The following NCOR2 variants were observed in gnomAD, a reference collection of about 807,000 sequenced individuals.
The protein encoded by NCOR2 is nuclear receptor corepressor 2.
In NCOR2, 81 loss-of-function variants were observed where a neutral mutation model predicts 262.9. The observed-to-expected ratio is 0.31, with a 90% CI of 0.26 to 0.37. The LOEUF is 0.37. Ranked by LOEUF, NCOR2 falls within the 10% of genes least tolerant of loss-of-function variation. The probability of loss-of-function intolerance (pLI) is 1.00; values close to 1 mark genes in which losing one functional copy is unlikely to be tolerated. For synonymous variants in NCOR2, 1,659 were observed against 1,559.3 expected, an observed-to-expected ratio of 1.06 and a Z score of -1.51; for missense variants, 3,385 against 3,621.4, an observed-to-expected ratio of 0.93 and a Z score of 1.68.
intron 7 of NCOR2, 34 bp from the exon 10 acceptor site, chr12:124,438,030 C>A: frequency 6.3e-7 from 1 of 1,587,094 alleles, no homozygotes; most frequent in Non-Finnish European, 8.6e-7. Context: ...CAGGTCAGCC[C>A]GGCCGGGCTC....
At chr12:124,354,443 C>T in intron 26 of NCOR2, 35 bp downstream of exon 28, 2 of 1,455,184 alleles carry the variant, frequency 1.4e-6, no homozygotes, top group Non-Finnish European at 1.8e-6. Flanking sequence ...GGAACAGGGG[C>T]AGATGCTGGG....
At chr12:124,342,271 A>G (rs565227300) in intron 33 of NCOR2, among the ~76,000 whole-genome samples, 197 bp from the exon 36 acceptor site, 49 of 152,354 alleles carry the variant, frequency 3.2e-4, no homozygotes, top group Admixed American at 2.0e-4. Context: ...GGTGACTTCT[A>G]CGAAGGATGC....
In NCOR2 at chr12:124,340,518, G is replaced by A. The variant is rs1039098466; in HGVS notation, c.5339-75C>T. On this transcript the variant is annotated intron_variant, in intron 35 of 46. Transcript: ENST00000405201. ...TGGCTTTGTCTTCTGGGGTGGGAAAGAGAGCAGGGCTTCTGCCCGCCCATC... is the reference window on the plus strand; with the variant it reads ...TGGCTTTGTCTTCTGGGGTGGGAAAAAGAGCAGGGCTTCTGCCCGCCCATC... 2.4e-4 allele frequency: 378 copies of A among 1,569,632 alleles called. 2 individuals carry two copies. The highest frequency in any genetic ancestry group is 2.4e-3 in the East Asian group (106 of 44,236).
At chr12:124,469,966 G>A (rs564033095) in intron 4 of NCOR2, among the ~76,000 whole-genome samples, 117 of 152,288 alleles carry the variant, frequency 7.7e-4, no homozygotes, top group African/African-American at 2.7e-3. Context: ...AGCAGTTTGA[G>A]ACCAGCTTGG....
intron 23 of NCOR2, among the ~76,000 whole-genome samples, chr12:124,356,199 C>T (rs1404960949): frequency 6.6e-6 from 1 of 152,252 alleles, no homozygotes; most frequent in Non-Finnish European, 1.5e-5. Context: ...CCTTTACCAA[C>T]AGCAGTCTGT....
intron 3 of NCOR2, among the ~76,000 whole-genome samples, chr12:124,475,170 T>C (rs1431164869): frequency 5.3e-5 from 8 of 151,992 alleles, no homozygotes; most frequent in African/African-American, 1.9e-4. Flanking sequence ...AACCCGGTGC[T>C]CCCTCCACAC....
At chr12:124,426,231 G>C (rs1239609057) in intron 11 of NCOR2, among the ~76,000 whole-genome samples, 1 of 152,174 alleles carries the variant, frequency 6.6e-6, no homozygotes, top group African/African-American at 2.4e-5. Flanking sequence ...GTAATTAGTT[G>C]AAGTGAGGTT....
chr12:124,543,786 G>C (rs1340220982), intron 1 of NCOR2, among the ~76,000 whole-genome samples: 1 of 152,212 alleles, frequency 6.6e-6, no homozygotes, highest in Non-Finnish European at 1.5e-5. Flanking sequence ...CCCAGGCCGG[G>C]AGGCCGCGGA....
At chr12:124,520,724 C>A (rs535792531) in intron 1 of NCOR2, among the ~76,000 whole-genome samples, 2 of 152,286 alleles carry the variant, frequency 1.3e-5, no homozygotes, top group South Asian at 4.1e-4. Context: ...TCAGAATAAG[C>A]CAGTGTCTGG....
rs144741545 is a variant in NCOR2 at position 124,483,872 on chromosome 12, G to A, written c.234-99C>T. On this transcript the variant is annotated intron_variant, in intron 2 of 46. Coordinates refer to ENST00000405201, the Ensembl canonical transcript of NCOR2. This position sits in a 1 kb window ranked among gnomAD's most constrained non-coding sequence, Gnocchi z 6.3. The stretch of plus-strand genomic sequence containing the variant: ...CTGCGCCGAGCATCTACTGCGCGCC[G>A]TGCTCTGTATGATCCTGCCAGGAAG... 29 of 1,350,680 alleles carry A rather than the reference G, an allele frequency of 2.1e-5. No individual in the cohort carries two copies. The Admixed American group carries it at 3.4e-4, about 16-fold the overall frequency. The allele number at this position is 1,350,680 out of a possible 1,614,324, so 83.7% of individuals were successfully genotyped here. A position where few individuals can be genotyped will look rare whatever the true frequency, so the allele number is the denominator to read the frequency against.
chr12:124,452,856 C>T (rs955633058), intron 6 of NCOR2, among the ~76,000 whole-genome samples: 5 of 152,178 alleles, frequency 3.3e-5, no homozygotes, highest in Non-Finnish European at 5.9e-5. Flanking sequence ...CGGTGAGGGG[C>T]CCACAAGGCG....
exon 31 of NCOR2, chr12:124,346,825 T>TGCCTCC (rs1487054513): frequency 2.3e-5 from 36 of 1,580,226 alleles, no homozygotes; most frequent in Non-Finnish European, 3.0e-5. Context: ...AGTCCTCCTG[T>TGCCTCC]GCCTCCACGT....
At chr12:124,388,443 C>G (rs1274545617) in intron 16 of NCOR2, among the ~76,000 whole-genome samples, 2 of 152,208 alleles carry the variant, frequency 1.3e-5, no homozygotes, top group Non-Finnish European at 2.9e-5. Flanking sequence ...CCTGTGCACA[C>G]AGCATCACAG....
rs569063518 is a variant in NCOR2, at chr12:124,440,720, A to T, written c.816-2724T>A. ...TGACCAAGATAATCCTGGATTTGGG[A>T]ACTTAAATGGAATGGTGGGCTAGTG... On this transcript the variant is annotated intron_variant, in intron 7 of 46. Coordinates refer to ENST00000405201, the Ensembl canonical transcript of NCOR2. The surrounding 1 kb of genome is among the most constrained non-coding windows in gnomAD (Gnocchi z 5.7). Among the ~76,000 whole-genome samples, 1 of 152,232 alleles carries T rather than the reference A, an allele frequency of 6.6e-6. No individual in the cohort carries two copies. Among genetic ancestry groups the T allele is most frequent in the Admixed American group, 6.5e-5 (1 of 15,296 alleles).
chr12:124,347,489 T>A (rs2037034664), intron 30 of NCOR2: 2 of 316,566 alleles, frequency 6.3e-6, no homozygotes, highest in South Asian at 6.8e-5. Context: ...CTCGGAGCTC[T>A]CCAAGCCTCT....
At chr12:124,473,706 A>G (rs980319828) in intron 3 of NCOR2, among the ~76,000 whole-genome samples, 6 of 152,156 alleles carry the variant, frequency 3.9e-5, no homozygotes, top group Non-Finnish European at 8.8e-5. Flanking sequence ...GCCCTCCGCC[A>G]TGATTGTGAG....
intron 17 of NCOR2, among the ~76,000 whole-genome samples, chr12:124,383,985 G>C (rs1780816939): frequency 6.6e-6 from 1 of 152,154 alleles, no homozygotes; most frequent in Non-Finnish European, 1.5e-5. Flanking sequence ...GCAGCGGGGG[G>C]AGACGTCCAT....
intron 1 of NCOR2, among the ~76,000 whole-genome samples, chr12:124,529,497 T>A (rs2050674490): frequency 6.6e-6 from 1 of 151,722 alleles, no homozygotes; most frequent in African/African-American, 2.4e-5. Context: ...AATAAAAAAA[T>A]AAATAACAAC....
At chr12:124,325,414 G>A (rs994938800) in exon 47 of NCOR2, 163 of 1,039,000 alleles carry the variant, frequency 1.6e-4, no homozygotes, top group African/African-American at 3.0e-4. Context: ...ACTCGCTGTC[G>A]GAGAGTGTCT....
Sources: allele counts gnomAD v4.1 joint callset (sites outside exome capture counted in the v4.1 genomes callset), GRCh38; gene constraint gnomAD v4.1.1; non-coding constraint Gnocchi (gnomAD v3.1); transcripts MANE v1.5; gene names NCBI Gene and HGNC (gene_info 2026-07-23, HGNC 2026-07-21).